RAB2A: variants seen among roughly 807,000 people sequenced by gnomAD.
RAB2A encodes ras-related protein Rab-2A.
A neutral mutation model predicts 32.5 loss-of-function variants in RAB2A; 7 were observed. That is an observed-to-expected ratio of 0.22 (90% CI 0.12 to 0.40). The LOEUF is 0.40. Among genes scored for constraint, RAB2A ranks in the 10% least tolerant of loss-of-function variants. The pLI is 1.00. For synonymous variants in RAB2A, 79 were observed against 85.2 expected (o/e 0.93, Z 0.40); for missense variants, 108 against 260.7 (o/e 0.41, Z 4.03).
intron 5 of RAB2A, among the ~76,000 whole-genome samples, chr8:60,587,879 G>A (rs1272318299): frequency 1.3e-5 from 2 of 152,140 alleles, no homozygotes; most frequent in Non-Finnish European, 2.9e-5. Flanking sequence ...AATATATGAA[G>A]AATGCTTATA....
At chr8:60,592,100 C>G (rs146537724) in intron 6 of RAB2A, 131 bp downstream of exon 6, 1 of 505,136 alleles carries the variant, frequency 2.0e-6, no homozygotes, top group African/African-American at 1.9e-5. Flanking sequence ...AAGTTTCTTC[C>G]CTTTGAAATC....
At chr8:60,554,852 CAAAA>C (rs577274037) in intron 1 of RAB2A, among the ~76,000 whole-genome samples, 1 of 136,636 alleles carries the variant, frequency 7.3e-6, no homozygotes. Context: ...GACTCCGTCT[CAAAA>C]AAAAAAAGAA....
At chr8:60,586,516 T>TA (rs1013926149) in intron 5 of RAB2A, among the ~76,000 whole-genome samples, 9 of 149,746 alleles carry the variant, frequency 6.0e-5, no homozygotes, top group East Asian at 1.9e-4. Context: ...TCACTATAGA[T>TA]AAAAAAAAGA....
intron 3 of RAB2A, chr8:60,576,434 G>T: frequency 3.0e-6 from 1 of 332,806 alleles, no homozygotes. Flanking sequence ...TGATTTCCCA[G>T]CCCCTCCAAA....
intron 6 of RAB2A, among the ~76,000 whole-genome samples, chr8:60,607,053 T>C (rs1434522604): frequency 6.6e-6 from 1 of 152,158 alleles, no homozygotes; most frequent in East Asian, 1.9e-4. Context: ...TGGAGACTGC[T>C]TTTTCTTTTT....
chr8:60,540,147 C>T (rs907774350), intron 1 of RAB2A, among the ~76,000 whole-genome samples: 1 of 149,852 alleles, frequency 6.7e-6, no homozygotes, highest in African/African-American at 2.5e-5. Context: ...CGTAGACATA[C>T]TAGATGTTAA....
chr8:60,531,294 C>T lies in RAB2A; in HGVS notation c.46+14041C>T, dbSNP rs138432535. ...TTAGACACCACTCTTGAAAATTTTCCGAGAGCCTGGTATTTGTAATTAGCA... is the reference window on the plus strand; with the variant it reads ...TTAGACACCACTCTTGAAAATTTTCTGAGAGCCTGGTATTTGTAATTAGCA... On this transcript the variant is annotated intron_variant, in intron 1 of 7. Transcript: ENST00000262646. Among the ~76,000 whole-genome samples the T allele has an allele frequency of 4.9e-3, 749 of 152,248 alleles. 6 individuals carry two copies. Among genetic ancestry groups the T allele is most frequent in the South Asian group, 0.034 (163 of 4,824 alleles).
At chr8:60,569,776 T>C (rs557875115) in intron 2 of RAB2A, among the ~76,000 whole-genome samples, 2 of 152,296 alleles carry the variant, frequency 1.3e-5, no homozygotes, top group East Asian at 1.9e-4. Context: ...GCCTCTCGAA[T>C]TGTGGGATTA....
rs1003384908 is a variant in RAB2A, at chr8:60,622,528, G to C, written c.*1759G>C. 1.3e-5 allele frequency: 2 copies of C among 152,182 alleles called. No homozygotes were observed. The highest frequency in any genetic ancestry group is 2.9e-5 in the Non-Finnish European group (2 of 68,032). The allele number at this position is 152,182 out of a possible 1,614,324, so 9.4% of individuals were successfully genotyped here. On this transcript the variant is annotated 3_prime_UTR_variant, in exon 8 of 8. Coordinates refer to ENST00000262646, the MANE Select transcript of RAB2A (RefSeq NM_002865.3). ...CTTACTAATCACTGTCTTTACCAGT[G>C]AGTACAAAAAGTTAAGGCAACTAGG... is the stretch of plus-strand genomic sequence containing the variant.
In RAB2A at chr8:60,622,600, T is replaced by C. The variant is rs1387861435; in HGVS notation, c.*1831T>C. ...GAAGAGAATGATTCTTTGGAAATTG[T>C]TATTTTTAAGCTTCTGTTAATTTTT... is the stretch of plus-strand genomic sequence containing the variant. On this transcript the variant is annotated 3_prime_UTR_variant, in exon 8 of 8. Transcript: ENST00000262646. The C allele has an allele frequency of 6.6e-6, 1 of 152,250 alleles. No individual in the cohort carries two copies. The highest frequency in any genetic ancestry group is 2.4e-5 in the African/African-American group (1 of 41,472). The allele number at this position is 152,250 out of a possible 1,614,324, so 9.4% of individuals were successfully genotyped here. A position where few individuals can be genotyped will look rare whatever the true frequency, so the allele number is the denominator to read the frequency against.
At chr8:60,600,900 T>G (rs1804123880) in intron 6 of RAB2A, among the ~76,000 whole-genome samples, 1 of 152,226 alleles carries the variant, frequency 6.6e-6, no homozygotes, top group Admixed American at 6.5e-5. Flanking sequence ...ATAATGTAGT[T>G]TTGTATGAAG....
intron 1 of RAB2A, among the ~76,000 whole-genome samples, chr8:60,535,879 T>C (rs938574637): frequency 3.9e-5 from 6 of 152,214 alleles, no homozygotes; most frequent in African/African-American, 1.4e-4. Context: ...AAGTTCTAGA[T>C]AGGAGTATCT....
chr8:60,600,546 C>T (rs577207896), intron 6 of RAB2A, among the ~76,000 whole-genome samples: 227 of 152,234 alleles, frequency 1.5e-3, no homozygotes, highest in Non-Finnish European at 8.2e-4. Context: ...AGCTGTTGCA[C>T]CCCTGGACAT....
chr8:60,549,669 A>G (rs900932189), intron 1 of RAB2A, among the ~76,000 whole-genome samples: 1 of 151,984 alleles, frequency 6.6e-6, no homozygotes, highest in African/African-American at 2.4e-5. Flanking sequence ...TTGGCAGGAG[A>G]TAGTTTTTTC....
At chr8:60,579,590 T>C (rs1305508437) in intron 3 of RAB2A, among the ~76,000 whole-genome samples, 2 of 152,174 alleles carry the variant, frequency 1.3e-5, no homozygotes, top group African/African-American at 4.8e-5. Flanking sequence ...CAACAGTTTA[T>C]AGTGAAGAGG....
rs763402252 is a variant in RAB2A at position 60,620,826 on chromosome 8, C to G, written c.*57C>G. 1 of 1,419,538 alleles carries G rather than the reference C, an allele frequency of 7.0e-7. No individual in the cohort carries two copies. Among genetic ancestry groups the G allele is most frequent in the East Asian group, 2.4e-5 (1 of 41,954 alleles). The allele number at this position is 1,419,538 out of a possible 1,614,324, so 87.9% of individuals were successfully genotyped here. On this transcript the variant is annotated 3_prime_UTR_variant, in exon 8 of 8. Transcript: ENST00000262646. Reference sequence around the variant, plus strand: ...GCCTACTCACTTATTCTTTCACCCCCTCTCCTCCTGCTCAGCTGAGACATG... The same window carrying G: ...GCCTACTCACTTATTCTTTCACCCCGTCTCCTCCTGCTCAGCTGAGACATG...
chr8:60,556,141 C>T (rs1807934518), intron 1 of RAB2A, among the ~76,000 whole-genome samples: 1 of 151,828 alleles, frequency 6.6e-6, no homozygotes, highest in African/African-American at 2.4e-5. Context: ...CTCGTATCCA[C>T]AATAAGTAGT....
chr8:60,523,531 C>G (rs1649757538), intron 1 of RAB2A, among the ~76,000 whole-genome samples: 1 of 152,200 alleles, frequency 6.6e-6, no homozygotes, highest in East Asian at 1.9e-4. Context: ...TTAATCCTCC[C>G]CTGCTTTTCT....
chr8:60,547,130 T>TA (rs1400900360), intron 1 of RAB2A, among the ~76,000 whole-genome samples: 6 of 151,502 alleles, frequency 4.0e-5, no homozygotes, highest in African/African-American at 1.5e-4. Context: ...AGCATCTGTT[T>TA]AACAAAGCAC....
Sources: allele counts gnomAD v4.1 joint callset (sites outside exome capture counted in the v4.1 genomes callset), GRCh38; gene constraint gnomAD v4.1.1; transcripts MANE v1.5; gene names NCBI Gene and HGNC (gene_info 2026-07-23, HGNC 2026-07-21).